The following CDH13 variants were observed in gnomAD, a reference collection of about 807,000 sequenced individuals.
CDH13 encodes the protein cadherin-13.
In CDH13, 24 loss-of-function variants were observed where a neutral mutation model predicts 63.8. The ratio of observed to expected loss-of-function variants is 0.38; its 90% CI spans 0.27 to 0.53. The LOEUF (loss-of-function observed/expected upper bound fraction) is 0.53, where lower values mean the gene tolerates loss of function less well. CDH13 is among the 20% of genes least tolerant of loss of function. The pLI is 0.85. For missense variants in CDH13, 1,049 were observed against 903.1 expected (o/e 1.16, Z -2.07); for synonymous variants, 503 against 355.3 (o/e 1.42, Z -4.67).
At chr16:83,090,130 G>C (rs951102156) in intron 3 of CDH13, among the ~76,000 whole-genome samples, 3 of 152,144 alleles carry the variant, frequency 2.0e-5, no homozygotes, top group African/African-American at 7.2e-5. Context: ...AAAGCCTACA[G>C]CTTCCTCCTA....
At chr16:83,392,389 A>G (rs1206243712) in intron 6 of CDH13, among the ~76,000 whole-genome samples, 1 of 152,220 alleles carries the variant, frequency 6.6e-6, no homozygotes, top group Non-Finnish European at 1.5e-5. Context: ...GATTGTTCCT[A>G]AAATTATCAC....
intron 6 of CDH13, among the ~76,000 whole-genome samples, chr16:83,413,185 A>T (rs767822526): frequency 4.6e-5 from 7 of 152,328 alleles, no homozygotes; most frequent in South Asian, 2.1e-4. Context: ...TGATGCAGTG[A>T]AGATTGGTTT....
intron 2 of CDH13, among the ~76,000 whole-genome samples, chr16:82,869,474 G>A (rs1267035639): frequency 6.6e-6 from 1 of 151,166 alleles, no homozygotes; most frequent in Non-Finnish European, 1.5e-5. Context: ...TACAGAAAAA[G>A]AAAAAAAATT....
intron 5 of CDH13, among the ~76,000 whole-genome samples, chr16:83,308,296 G>T (rs74034105): frequency 0.011 from 1,607 of 152,274 alleles, 26 homozygotes; most frequent in African/African-American, 0.037. Flanking sequence ...TCATGAAGGG[G>T]TTCATTAGCA....
At chr16:83,716,476 C>T (rs1315592570) in intron 10 of CDH13, among the ~76,000 whole-genome samples, 1 of 152,088 alleles carries the variant, frequency 6.6e-6, no homozygotes, top group African/African-American at 2.4e-5. Context: ...CTCTGCTGTA[C>T]CTCTTACTGG....
chr16:83,535,572 G>A (rs932889339), intron 7 of CDH13, among the ~76,000 whole-genome samples: 2 of 152,170 alleles, frequency 1.3e-5, no homozygotes, highest in South Asian at 4.1e-4. Flanking sequence ...TTCATTCGTT[G>A]ATTCCACAAG....
intron 11 of CDH13, among the ~76,000 whole-genome samples, chr16:83,762,360 T>C (rs951546459): frequency 4.0e-5 from 6 of 151,622 alleles, no homozygotes; most frequent in African/African-American, 1.5e-4. Flanking sequence ...GAACACAGAA[T>C]TGCTGCCCTC....
intron 3 of CDH13, among the ~76,000 whole-genome samples, chr16:83,062,928 C>T (rs1016405957): frequency 6.6e-6 from 1 of 151,112 alleles, no homozygotes; most frequent in Non-Finnish European, 1.5e-5. Context: ...TTGTCTCCCT[C>T]ATAGCTAATC....
At chr16:83,489,556 C>T (rs768501685) in intron 7 of CDH13, among the ~76,000 whole-genome samples, 3 of 152,164 alleles carry the variant, frequency 2.0e-5, no homozygotes, top group African/African-American at 7.2e-5. Context: ...GGAGGTGGAA[C>T]GTGATTCCAA....
chr16:83,730,717 G>A (rs1365932780), intron 10 of CDH13, among the ~76,000 whole-genome samples: 1 of 152,090 alleles, frequency 6.6e-6, no homozygotes, highest in Non-Finnish European at 1.5e-5. Flanking sequence ...TTTATTACCT[G>A]GGTCTATTGC....
intron 2 of CDH13, among the ~76,000 whole-genome samples, chr16:83,016,739 A>C (rs1389659805): frequency 6.6e-6 from 1 of 152,132 alleles, no homozygotes; most frequent in Non-Finnish European, 1.5e-5. Flanking sequence ...TCAAGGTAGC[A>C]CAAGGCCATC....
intron 1 of CDH13, among the ~76,000 whole-genome samples, chr16:82,647,649 C>T (rs1344031042): frequency 2.0e-5 from 3 of 152,170 alleles, no homozygotes; most frequent in Non-Finnish European, 4.4e-5. Context: ...TTCAAAGCTG[C>T]CCCAGGGGGC....
At chr16:83,535,913 AG>A (rs1174123410) in intron 7 of CDH13, among the ~76,000 whole-genome samples, 2 of 144,568 alleles carry the variant, frequency 1.4e-5, no homozygotes, top group African/African-American at 5.1e-5. Flanking sequence ...AAGGAAAAAA[AG>A]GAAAGAAGGA....
chr16:82,789,592 A>T (rs2036187616), intron 1 of CDH13, among the ~76,000 whole-genome samples: 1 of 152,248 alleles, frequency 6.6e-6, no homozygotes, highest in African/African-American at 2.4e-5. Context: ...AAGGATAGAA[A>T]CAAATGGGAG....
At chr16:83,413,390 A>C (rs7206458) in intron 6 of CDH13, among the ~76,000 whole-genome samples, 115,452 of 152,054 alleles carry the variant, frequency 0.76, 43,977 homozygotes, top group East Asian at 0.86. Flanking sequence ...AATTATTATC[A>C]GTCACTCCTC....
chr16:83,200,399 C>T (rs943378085), intron 4 of CDH13, among the ~76,000 whole-genome samples: 2 of 152,180 alleles, frequency 1.3e-5, no homozygotes, highest in African/African-American at 4.8e-5. Context: ...CAAAACTGTA[C>T]CTCGTGTTCC....
chr16:82,667,431 G>C (rs544786126), intron 1 of CDH13, among the ~76,000 whole-genome samples: 1 of 152,302 alleles, frequency 6.6e-6, no homozygotes, highest in African/African-American at 2.4e-5. Flanking sequence ...GTGGTGTGGG[G>C]AGATGAAATA....
chr16:82,861,034 A>G (rs1003071745), intron 2 of CDH13, among the ~76,000 whole-genome samples: 1 of 152,240 alleles, frequency 6.6e-6, no homozygotes, highest in Non-Finnish European at 1.5e-5. Flanking sequence ...GTGTGCTATC[A>G]AATTGAAGAC....
chr16:83,074,237 C>G (rs559787627), intron 3 of CDH13, among the ~76,000 whole-genome samples: 1 of 152,234 alleles, frequency 6.6e-6, no homozygotes, highest in East Asian at 1.9e-4. Context: ...TGAGCATGTG[C>G]GATATTTCTC....
Sources: allele counts gnomAD v4.1 joint callset (sites outside exome capture counted in the v4.1 genomes callset), GRCh38; gene constraint gnomAD v4.1.1; transcripts MANE v1.5; gene names NCBI Gene and HGNC (gene_info 2026-07-23, HGNC 2026-07-21).